The following RNF19B variants were observed in gnomAD, a reference collection of about 807,000 sequenced individuals.
The protein encoded by RNF19B is ring finger protein 19B.
A neutral mutation model predicts 65.5 loss-of-function variants in RNF19B; 23 were observed. The observed-to-expected ratio is 0.35, with a 90% CI of 0.25 to 0.50. The LOEUF (loss-of-function observed/expected upper bound fraction) is 0.50, where lower values mean the gene tolerates loss of function less well. RNF19B is among the 20% of genes least tolerant of loss of function. The pLI is 0.98. For missense variants in RNF19B, 794 were observed against 980.0 expected (o/e 0.81, Z 2.53); for synonymous variants, 372 against 379.6 (o/e 0.98, Z 0.23).
At chr1:32,938,140 C>CAAAACAAAAAAAAAA in intron 8 of RNF19B, among the ~76,000 whole-genome samples, 1 of 46,044 alleles carries the variant, frequency 2.2e-5, no homozygotes. Flanking sequence ...CCAAGAAAGA[C>CAAAACAAAAAAAAAA]AAAAAAAAAA....
chr1:32,942,139 C>G, intron 7 of RNF19B, 113 bp downstream of exon 7: 1 of 870,122 alleles, frequency 1.1e-6, no homozygotes, highest in Non-Finnish European at 1.8e-6. Flanking sequence ...AAACCATTGA[C>G]AATTAAATCA....
At chr1:32,938,565 C>A in intron 7 of RNF19B, 37 bp from the exon 8 acceptor site, 1 of 1,603,474 alleles carries the variant, frequency 6.2e-7, no homozygotes, top group Admixed American at 1.7e-5. Flanking sequence ...AATATGAGAC[C>A]TGGGTATTCC....
intron 1 of RNF19B, among the ~76,000 whole-genome samples, chr1:32,950,998 C>A (rs978537566): frequency 2.0e-5 from 3 of 152,010 alleles, no homozygotes; most frequent in Admixed American, 2.0e-4. Context: ...CATCACCATG[C>A]GCAGCTAATT....
chr1:32,961,580 G>A (rs1265600494), intron 1 of RNF19B, among the ~76,000 whole-genome samples: 1 of 152,034 alleles, frequency 6.6e-6, no homozygotes, highest in East Asian at 1.9e-4. Flanking sequence ...GTATTGAGAG[G>A]CCAGCTTTCT....
In RNF19B at chr1:32,936,945, G is replaced by A. The variant is rs1402409006; in HGVS notation, c.2057C>T (p.Ser686Phe). 1 of 1,613,872 alleles carries A rather than the reference G, an allele frequency of 6.2e-7. No homozygotes were observed. Among genetic ancestry groups the A allele is most frequent in the South Asian group, 1.1e-5 (1 of 91,064 alleles). The change falls in exon 9 of 9, where the codon TCC becomes TTC. Residue 686 changes from serine to phenylalanine, a missense_variant. Coordinates refer to ENST00000235150, the MANE Select transcript of RNF19B (RefSeq NM_001300826.2). ...VPDITSDECG[S>F]PRSHTAACPS... is the part of the protein sequence containing the mutation. ...GCAGGCTGCAGTATGGGAGCGGGGG[G>A]AGCCACACTCATCTGAGGTGATGTC...
At chr1:32,942,888 TC>T (rs780996707) in intron 6 of RNF19B, among the ~76,000 whole-genome samples, 2 of 151,798 alleles carry the variant, frequency 1.3e-5, no homozygotes, top group African/African-American at 2.4e-5. Context: ...CGCCTGTACT[TC>T]CAGCACTTTG....
downstream of RNF19B, among the ~76,000 whole-genome samples, chr1:32,935,792 C>T (rs1262335844): frequency 6.6e-6 from 1 of 152,026 alleles, no homozygotes; most frequent in African/African-American, 2.4e-5. Context: ...TCTCTGCCAC[C>T]CAGTCTGGAG....
rs927168575 is a variant in RNF19B, at chr1:32,964,052, C to G, written c.634G>C (p.Gly212Arg). ...CCCGCGCCACGCCCCCGCGCTCACCCGCAGTCCGGGGCCGGGCACCAGCGG... is the reference window on the plus strand; with the variant it reads ...CCCGCGCCACGCCCCCGCGCTCACCGGCAGTCCGGGGCCGGGCACCAGCGG... ...DCRWCPAPDCGYAVIAYGCAS... is the reference protein window; with the variant it reads ...DCRWCPAPDCRYAVIAYGCAS... The change falls in exon 1 of 9, where the codon GGT becomes CGT. Residue 212 changes from glycine to arginine, a missense_variant and splice_region_variant. Physicochemically the swap from Gly to Arg is moderately radical, Grantham distance 125 (BLOSUM62 -2). Coordinates refer to ENST00000235150, the MANE Select transcript of RNF19B (RefSeq NM_001300826.2). The surrounding 1 kb of genome is among the most constrained non-coding windows in gnomAD (Gnocchi z 6.5). 5.4e-6 allele frequency: 8 copies of G among 1,491,186 alleles called. No homozygotes were observed. The highest frequency in any genetic ancestry group is 1.3e-5 in the South Asian group (1 of 76,622). 92.4% of individuals were successfully genotyped at this position (1,491,186 alleles called of 1,614,324 possible).
At chr1:32,958,504 C>G (rs1332004736) in intron 1 of RNF19B, among the ~76,000 whole-genome samples, 2 of 152,116 alleles carry the variant, frequency 1.3e-5, no homozygotes, top group African/African-American at 4.8e-5. Flanking sequence ...ATCACGAGGT[C>G]AGGAGATCGA....
the RNF19B span, among the ~76,000 whole-genome samples, chr1:32,930,260 C>T: frequency 6.6e-6 from 1 of 152,114 alleles, no homozygotes; most frequent in Non-Finnish European, 1.5e-5. Flanking sequence ...CAGATGCACA[C>T]CACCATGCCC....
At chr1:32,944,430 G>GT (rs1446675317) in intron 5 of RNF19B, among the ~76,000 whole-genome samples, 2 of 152,180 alleles carry the variant, frequency 1.3e-5, no homozygotes, top group African/African-American at 4.8e-5. Flanking sequence ...TATGTACTGT[G>GT]TTTTGCACAG....
intron 1 of RNF19B, among the ~76,000 whole-genome samples, chr1:32,952,136 C>T (rs1051626090): frequency 6.6e-6 from 1 of 151,758 alleles, no homozygotes; most frequent in African/African-American, 2.4e-5. Context: ...CAGAATTTAT[C>T]AGCACTAATG....
At chr1:32,963,157 C>T (rs145794706) in intron 1 of RNF19B, among the ~76,000 whole-genome samples, 1 of 152,206 alleles carries the variant, frequency 6.6e-6, no homozygotes, top group Middle Eastern at 3.4e-3. Context: ...TACCCCTCAC[C>T]CTACCCAAGG....
chr1:32,933,000 G>C (rs2124092505), downstream of RNF19B, among the ~76,000 whole-genome samples: 1 of 152,264 alleles, frequency 6.6e-6, no homozygotes, highest in South Asian at 2.1e-4. Context: ...TTATCAAGGA[G>C]GACCAACCTG....
chr1:32,954,341 T>C (rs1345748554), intron 1 of RNF19B, among the ~76,000 whole-genome samples: 1 of 151,946 alleles, frequency 6.6e-6, no homozygotes, highest in African/African-American at 2.4e-5. Flanking sequence ...AATCTATTAC[T>C]ACGACACAGA....
chr1:32,963,977 C>A, intron 1 of RNF19B, 74 bp downstream of exon 1: 1 of 1,366,810 alleles, frequency 7.3e-7, no homozygotes, highest in South Asian at 1.7e-5. Context: ...GACACCCACG[C>A]GGGGTCCCTG....
intron 1 of RNF19B, among the ~76,000 whole-genome samples, chr1:32,955,646 G>A (rs1374678222): frequency 6.6e-6 from 1 of 151,938 alleles, no homozygotes; most frequent in Non-Finnish European, 1.5e-5. Context: ...CTACTCAGGA[G>A]GCTGAGGTGG....
intron 3 of RNF19B, among the ~76,000 whole-genome samples, 168 bp from the exon 4 acceptor site, chr1:32,946,732 G>C (rs941669937): frequency 6.6e-6 from 1 of 152,194 alleles, no homozygotes; most frequent in Admixed American, 6.5e-5. Flanking sequence ...CAGACTATTA[G>C]AGCTCTGGGC....
At position 32,949,757 on chromosome 1, in the gene RNF19B, T is replaced by C. The variant is rs1373672172; in HGVS notation, c.653A>G (p.Tyr218Cys). The C allele has an allele frequency of 1.2e-6, 2 of 1,613,680 alleles. No homozygotes were observed. The highest frequency in any genetic ancestry group is 1.7e-5 in the Admixed American group (1 of 59,954). Residue 218 changes from tyrosine to cysteine, a missense_variant, in exon 2 of 9, where the codon TAT becomes TGT. Physicochemically the swap from Tyr to Cys is radical, Grantham distance 194 (BLOSUM62 -2). This residue lies in a region of RNF19B where 374 missense variants were observed against 423.8 expected (regional missense o/e 0.88). Transcript: ENST00000235150. ...TAGCTTCGGGCAGCTGGCACAGCCA[T>C]AGGCAATAACAGCATAACTAGGTAA... ...APDCGYAVIA[Y>C]GCASCPKLTC...
Sources: gnomAD v4.1 joint callset for allele counts (sites outside exome capture counted in the v4.1 genomes callset) on GRCh38, gnomAD v4.1.1 for gene constraint, gnomAD v4.1.1 regional missense constraint, Gnocchi (gnomAD v3.1) non-coding constraint, MANE v1.5 for transcripts, NCBI Gene and HGNC (gene_info 2026-07-23, HGNC 2026-07-21) for gene names.